GARIN4: variants seen among roughly 807,000 people sequenced by gnomAD.
The protein encoded by GARIN4 is Golgi-associated RAB2 interactor protein 4.
the GARIN4 span, chr1:212,625,517 G>T: frequency 6.2e-7 from 1 of 1,614,212 alleles, no homozygotes. Flanking sequence ...TCAAGGAAAG[G>T]GGGATCAGGA....
At chr1:212,625,754 G>A in the GARIN4 span, 1 of 1,613,948 alleles carries the variant, frequency 6.2e-7, no homozygotes, top group Non-Finnish European at 8.5e-7. Context: ...AGGCACCGTA[G>A]CAGGTGCCTT....
At chr1:212,624,662 C>T in the GARIN4 span, 2 of 763,444 alleles carry the variant, frequency 2.6e-6, no homozygotes, top group Middle Eastern at 4.0e-4. Flanking sequence ...CCCTACAGCA[C>T]CCCCCACAGC....
At chr1:212,625,930 C>G in the GARIN4 span, 6 of 1,614,220 alleles carry the variant, frequency 3.7e-6, no homozygotes, top group Non-Finnish European at 5.1e-6. Flanking sequence ...CAGGCAAGTC[C>G]TCAGAGCATG....
At chr1:212,625,697 G>T in the GARIN4 span, 1 of 1,614,084 alleles carries the variant, frequency 6.2e-7, no homozygotes, top group East Asian at 2.2e-5. Flanking sequence ...AGCAACAGGG[G>T]GGATTAAAGA....
chr1:212,625,419 AC>A, the GARIN4 span: 1 of 1,614,216 alleles, frequency 6.2e-7, no homozygotes, highest in Non-Finnish European at 8.5e-7. Context: ...ATGGAGAGTA[AC>A]AGCAGTACCT....
At chr1:212,626,772 G>C in the GARIN4 span, 1 of 1,459,824 alleles carries the variant, frequency 6.9e-7, no homozygotes, top group African/African-American at 1.4e-5. Flanking sequence ...TCATACATCT[G>C]AAAGTGGCTT....
At chr1:212,625,129 T>G in the GARIN4 span, 2 of 1,614,128 alleles carry the variant, frequency 1.2e-6, no homozygotes. Context: ...CACTCCCAGA[T>G]GTCATGCTAC....
the GARIN4 span, chr1:212,626,330 A>G: frequency 6.2e-7 from 1 of 1,614,252 alleles, no homozygotes; most frequent in Non-Finnish European, 8.5e-7. Context: ...GGGGAGCAGC[A>G]GGCACAGGGA....
the GARIN4 span, chr1:212,624,680 C>T: frequency 7.4e-5 from 73 of 991,204 alleles, no homozygotes; most frequent in Non-Finnish European, 9.7e-5. Context: ...AGCAATCATC[C>T]GTGCTCCCAC....
the GARIN4 span, chr1:212,626,521 AGAT>A: frequency 1.3e-5 from 21 of 1,614,106 alleles, no homozygotes; most frequent in Non-Finnish European, 1.7e-5. Context: ...CACATGGCAG[AGAT>A]GTGAACGTCA....
At chr1:212,625,865 G>GC in the GARIN4 span, 2 of 1,614,262 alleles carry the variant, frequency 1.2e-6, no homozygotes, top group Middle Eastern at 1.6e-4. Flanking sequence ...CATGGCCCTT[G>GC]CAGGCACTGC....
the GARIN4 span, chr1:212,626,683 C>A: frequency 6.4e-7 from 1 of 1,567,162 alleles, no homozygotes; most frequent in South Asian, 1.2e-5. Flanking sequence ...GAGCTGGAAG[C>A]TGCAAAGGAG....
At chr1:212,624,929 A>C in the GARIN4 span, 6 of 1,613,390 alleles carry the variant, frequency 3.7e-6, no homozygotes, top group Non-Finnish European at 5.1e-6. Context: ...TGGCTCCAGC[A>C]TGAGCATGTT....
chr1:212,625,666 T>G, the GARIN4 span: 1 of 1,614,062 alleles, frequency 6.2e-7, no homozygotes, highest in Non-Finnish European at 8.5e-7. Context: ...CCAAAACATC[T>G]ACAGAACTTG....
the GARIN4 span, chr1:212,625,185 A>G: frequency 1.9e-6 from 3 of 1,614,138 alleles, no homozygotes; most frequent in Non-Finnish European, 2.5e-6. Context: ...GGACATGGCC[A>G]GGCCACCAAG....
At chr1:212,626,178 G>A in the GARIN4 span, 4 of 1,614,176 alleles carry the variant, frequency 2.5e-6, no homozygotes, top group Middle Eastern at 1.6e-4. Context: ...AGGGCTCTCG[G>A]AAGGAGTTCC....
At chr1:212,625,677 C>A in the GARIN4 span, 5 of 1,614,120 alleles carry the variant, frequency 3.1e-6, no homozygotes, top group Non-Finnish European at 4.2e-6. Context: ...ACAGAACTTG[C>A]TGAGGAGCCA....
chr1:212,625,374 A>T, the GARIN4 span: 1 of 1,614,226 alleles, frequency 6.2e-7, no homozygotes, highest in South Asian at 1.1e-5. Flanking sequence ...CTCTTTGCCT[A>T]TTGGGAAAAA....
the GARIN4 span, chr1:212,626,159 G>A: frequency 1.9e-6 from 3 of 1,614,162 alleles, no homozygotes; most frequent in South Asian, 1.1e-5. Flanking sequence ...GGAAAGAAGG[G>A]AAAAGGACAG....
Sources: gnomAD v4.1 joint callset for allele counts on GRCh38, gnomAD v4.1.1 for gene constraint, MANE v1.5 for transcripts, NCBI Gene and HGNC (gene_info 2026-07-23, HGNC 2026-07-21) for gene names.